Variants in FBN3 observed in about 807,000 individuals in gnomAD.
The protein encoded by FBN3 is fibrillin 3.
Under a neutral mutation model 330.1 loss-of-function variants are expected in FBN3, and 234 were observed. The observed-to-expected ratio is 0.71, with a 90% CI of 0.64 to 0.79. The LOEUF (loss-of-function observed/expected upper bound fraction) is 0.79, where lower values mean the gene tolerates loss of function less well. FBN3 is among the 30% of genes least tolerant of loss of function. The pLI is 0.00. For missense variants in FBN3, 3,606 were observed against 3,886.9 expected (o/e 0.93, Z 1.92); for synonymous variants, 1,458 against 1,517.3 (o/e 0.96, Z 0.91).
rs146503521 is a variant in FBN3 at position 8,117,540 on chromosome 19, A to T, written c.3387T>A (p.Cys1129Ter). The change falls in exon 27 of 64, where the codon TGT becomes TGA. Residue 1129 changes from cysteine to a stop codon, truncating the protein, a stop_gained. Transcript: ENST00000600128. LOFTEE classifies it high-confidence loss of function. ...LSDGLCPHGQ[C>*]VNVIGAFQCS... ...ACTGGAAGGCACCGATGACATTGACACACTGGCCATGGGGACACAGGCCAT... is the reference window on the plus strand; with the variant it reads ...ACTGGAAGGCACCGATGACATTGACTCACTGGCCATGGGGACACAGGCCAT... 6.4e-7 allele frequency: 1 copy of T among 1,557,900 alleles called. No individual in the cohort carries two copies. Among genetic ancestry groups the T allele is most frequent in the African/African-American group, 1.4e-5 (1 of 73,348 alleles).
Position 8,110,206 on chromosome 19 carries a change from C to T in FBN3, c.4334-453G>A, listed in dbSNP as rs144426726. ...GAGTAGCTGGGACTACAGGTGTGCA[C>T]CACAATGCCCAGCTAATTTTTTATT... On this transcript the variant is annotated intron_variant, in intron 34 of 63. Transcript: ENST00000600128. 2.2e-3 allele frequency among the ~76,000 whole-genome samples: 332 copies of T among 152,242 alleles called. 2 individuals carry two copies. The highest frequency in any genetic ancestry group is 7.7e-3 in the African/African-American group (319 of 41,540).
chr19:8,090,838 G>T (rs2082081293), intron 48 of FBN3, among the ~76,000 whole-genome samples: 1 of 151,998 alleles, frequency 6.6e-6, no homozygotes, highest in Admixed American at 6.6e-5. Context: ...ATTGCTTTGG[G>T]GTGTTCTCAT....
intron 13 of FBN3, 26 bp downstream of exon 13, chr19:8,135,935 T>TGGGGGGGGGGGGGGGGGGGGCC: frequency 1.5e-6 from 2 of 1,344,156 alleles, no homozygotes; most frequent in Non-Finnish European, 2.0e-6. Context: ...CGGAAGCCCC[T>TGGGGGGGGGGGGGGGGGGGGCC]GCCCACCCGC....
intron 63 of FBN3, among the ~76,000 whole-genome samples, chr19:8,068,238 A>G (rs1448524284): frequency 1.3e-5 from 2 of 150,916 alleles, no homozygotes; most frequent in African/African-American, 4.9e-5. Flanking sequence ...TACAAAAAAA[A>G]AAATTAGCTA....
intron 30 of FBN3, among the ~76,000 whole-genome samples, chr19:8,114,556 A>T: frequency 6.6e-6 from 1 of 151,958 alleles, no homozygotes; most frequent in African/African-American, 2.4e-5. Flanking sequence ...GCTAATTTTT[A>T]AAATTTTTAA....
chr19:8,139,450 A>C (rs2083362889), intron 8 of FBN3, among the ~76,000 whole-genome samples: 2 of 152,080 alleles, frequency 1.3e-5, no homozygotes, highest in Admixed American at 6.6e-5. Flanking sequence ...AGAGGTAGTG[A>C]GCTCCCCGTC....
At chr19:8,066,323 G>A (rs2081390407) in intron 63 of FBN3, 63 bp from the exon 64 acceptor site, 2 of 1,246,368 alleles carry the variant, frequency 1.6e-6, no homozygotes, top group Non-Finnish European at 2.2e-6. Context: ...TGTGGGTAGG[G>A]GGTCCTCGGA....
At chr19:8,074,698 C>G (rs114021084) in intron 61 of FBN3, 2,407 of 186,950 alleles carry the variant, frequency 0.013, 62 homozygotes, top group African/African-American at 0.052. Context: ...AATGACATAG[C>G]ATGCACACCT....
chr19:8,106,962 G>A (rs1451239182), intron 37 of FBN3, among the ~76,000 whole-genome samples: 1 of 151,760 alleles, frequency 6.6e-6, no homozygotes, highest in Non-Finnish European at 1.5e-5. Context: ...ATGGATGGAT[G>A]GGAGAGTGGG....
In FBN3 at chr19:8,147,441, C is replaced by T; in HGVS notation, c.40G>A (p.Ala14Thr). ...GCCGACCAGGCCAGCAGGAGCCGGG[C>T]CAGGGGGCCCCTTGCCAAATACAGA... Reference protein sequence around the residue: ...EGLYLARGPLARLLLAWSALL... With the variant: ...EGLYLARGPLTRLLLAWSALL... Residue 14 changes from alanine (A) to threonine (T), a missense_variant, in exon 2 of 64, where the codon GCC becomes ACC. Ala to Thr is a moderately conservative substitution (Grantham distance 58, BLOSUM62 0). Coordinates refer to ENST00000600128, the MANE Select transcript of FBN3 (RefSeq NM_032447.5). The T allele has an allele frequency of 1.3e-6, 2 of 1,566,628 alleles. No homozygotes were observed. The highest frequency in any genetic ancestry group is 1.7e-6 in the Non-Finnish European group (2 of 1,159,116).
rs200603847 is a variant in FBN3, at chr19:8,097,285, G to A, written c.5287+4C>T. Reference sequence around the variant, plus strand: ...CCAGGGCTGGGAACAGGGAGAGGTGGCACCTTCACAAGCCAGCAGGATGCT... The same window carrying A: ...CCAGGGCTGGGAACAGGGAGAGGTGACACCTTCACAAGCCAGCAGGATGCT... On this transcript the variant is annotated splice_donor_region_variant and intron_variant, in intron 42 of 63. Coordinates refer to ENST00000600128, the MANE Select transcript of FBN3 (RefSeq NM_032447.5). 4.0e-5 allele frequency: 64 copies of A among 1,602,458 alleles called. No homozygotes were observed. In the East Asian group the frequency reaches 1.4e-3, roughly 35 times the overall value.
At chr19:8,114,734 A>G (rs2082668944) in intron 30 of FBN3, among the ~76,000 whole-genome samples, 1 of 149,066 alleles carries the variant, frequency 6.7e-6, no homozygotes, top group Non-Finnish European at 1.5e-5. Context: ...GCGGAGAATC[A>G]TTTTACTTAT....
At chr19:8,068,981 GATT>G (rs1331557008) in intron 63 of FBN3, among the ~76,000 whole-genome samples, 1 of 152,144 alleles carries the variant, frequency 6.6e-6, no homozygotes, top group Non-Finnish European at 1.5e-5. Context: ...GCAGCCAGGG[GATT>G]ATTCAGATGA....
intron 30 of FBN3, among the ~76,000 whole-genome samples, chr19:8,112,749 G>C (rs1296749208): frequency 6.6e-6 from 1 of 152,222 alleles, no homozygotes. Flanking sequence ...TTCCAATCCA[G>C]AGTCAATTAT....
rs2082215882 is a variant in FBN3 at position 8,096,669 on chromosome 19, C to T, written c.5414-100G>A. 2 of 1,479,450 alleles carry T rather than the reference C, an allele frequency of 1.4e-6. No homozygotes were observed. The highest frequency in any genetic ancestry group is 4.6e-5 in the East Asian group (2 of 43,852). 91.6% of individuals were successfully genotyped at this position (1,479,450 alleles called of 1,614,324 possible). On this transcript the variant is annotated intron_variant, in intron 43 of 63. Transcript: ENST00000600128. This position sits in a 1 kb window ranked among gnomAD's most constrained non-coding sequence, Gnocchi z 4.6. ...GGAAGCCAGAATCTGCCTTGAAGTT[C>T]CCCACTCAAACTTCCACCAGGGGCG...
chr19:8,107,320 G>A (rs2082463861), intron 37 of FBN3, among the ~76,000 whole-genome samples: 1 of 141,284 alleles, frequency 7.1e-6, no homozygotes, highest in Non-Finnish European at 1.5e-5. Flanking sequence ...TGAAGGATGG[G>A]GGATAAATGG....
intron 41 of FBN3, among the ~76,000 whole-genome samples, chr19:8,099,282 T>A (rs942287554): frequency 7.2e-6 from 1 of 139,542 alleles, no homozygotes; most frequent in African/African-American, 2.8e-5. Context: ...TTTGATTTTT[T>A]TTTTTTTTTT....
intron 63 of FBN3, among the ~76,000 whole-genome samples, chr19:8,070,613 G>T: frequency 6.6e-6 from 1 of 152,328 alleles, no homozygotes; most frequent in African/African-American, 2.4e-5. Context: ...CTTGTAAAGA[G>T]AAGTCCACGT....
chr19:8,114,478 A>C (rs1216286942), intron 30 of FBN3, among the ~76,000 whole-genome samples: 1 of 152,076 alleles, frequency 6.6e-6, no homozygotes, highest in Non-Finnish European at 1.5e-5. Flanking sequence ...CAAACTCCTG[A>C]CCTCAGGTAA....
Sources: allele counts gnomAD v4.1 joint callset (sites outside exome capture counted in the v4.1 genomes callset), GRCh38; gene constraint gnomAD v4.1.1; non-coding constraint Gnocchi (gnomAD v3.1); transcripts MANE v1.5; gene names NCBI Gene and HGNC (gene_info 2026-07-23, HGNC 2026-07-21).